CFDP1: variants seen among roughly 807,000 people sequenced by gnomAD.
The protein encoded by CFDP1 is heterochromatin-stabilizing protein CFDP1.
CFDP1 carries 31 observed loss-of-function variants against 40.1 expected under a neutral mutation model. The ratio of observed to expected loss-of-function variants is 0.77; its 90% CI spans 0.58 to 1.04. The LOEUF is 1.04. CFDP1 is among the 50% of genes least tolerant of loss of function. The probability of loss-of-function intolerance (pLI) is 0.00; values close to 1 mark genes in which losing one functional copy is unlikely to be tolerated. For missense variants in CFDP1, 423 were observed against 343.4 expected (o/e 1.23, Z -1.83); for synonymous variants, 167 against 120.0 (o/e 1.39, Z -2.56).
At chr16:75,416,915 T>A (rs1027214320) in intron 1 of CFDP1, among the ~76,000 whole-genome samples, 1 of 152,152 alleles carries the variant, frequency 6.6e-6, no homozygotes, top group Non-Finnish European at 1.5e-5. Context: ...CAGTGTTTCA[T>A]GAAGAGAGCA....
chr16:75,298,272 T>TC (rs2078197946), intron 6 of CFDP1, among the ~76,000 whole-genome samples: 1 of 152,158 alleles, frequency 6.6e-6, no homozygotes, highest in Non-Finnish European at 1.5e-5. Context: ...ATAAGGGATA[T>TC]TCAACCTGTA....
chr16:75,294,110 TC>T, intron 6 of CFDP1, 68 bp from the exon 7 acceptor site: 2 of 1,179,732 alleles, frequency 1.7e-6, no homozygotes, highest in Non-Finnish European at 1.3e-6. Flanking sequence ...CACAGTCCCA[TC>T]CCCCAGGGAT....
chr16:75,371,956 G>A (rs1437317009), intron 5 of CFDP1, among the ~76,000 whole-genome samples: 1 of 152,102 alleles, frequency 6.6e-6, no homozygotes, highest in East Asian at 1.9e-4. Flanking sequence ...AATTTTCATT[G>A]AGTCCTTCTG....
chr16:75,431,072 G>C (rs1007394202), intron 1 of CFDP1, among the ~76,000 whole-genome samples: 3 of 152,018 alleles, frequency 2.0e-5, no homozygotes, highest in African/African-American at 7.3e-5. Flanking sequence ...ATTAGCACCA[G>C]AGAAAACAAG....
intron 5 of CFDP1, among the ~76,000 whole-genome samples, chr16:75,359,494 T>C (rs2078668142): frequency 1.3e-5 from 2 of 152,236 alleles, no homozygotes; most frequent in Admixed American, 6.5e-5. Flanking sequence ...TCAATGATGC[T>C]GTTTTCCCCT....
In CFDP1 at chr16:75,293,861, G is replaced by A; in HGVS notation, c.*91C>T. 2.5e-5 allele frequency: 26 copies of A among 1,026,658 alleles called. No individual in the cohort carries two copies. Among genetic ancestry groups the A allele is most frequent in the Non-Finnish European group, 3.8e-5 (26 of 681,034 alleles). The allele number at this position is 1,026,658 out of a possible 1,614,324, so 63.6% of individuals were successfully genotyped here. On this transcript the variant is annotated 3_prime_UTR_variant, in exon 7 of 7. Coordinates refer to ENST00000283882, the MANE Select transcript of CFDP1 (RefSeq NM_006324.3). ...AAAAAAAAGACCTTGCTGGGAAACA[G>A]ATGATGAGAAACACTGTAAAACATT...
chr16:75,432,596 C>A (rs1251846281), intron 1 of CFDP1, among the ~76,000 whole-genome samples: 37 of 152,130 alleles, frequency 2.4e-4, no homozygotes, highest in Non-Finnish European at 7.4e-5. Context: ...ATAGGGACGA[C>A]TCCTGGGTTG....
At chr16:75,344,169 A>C (rs1359701585) in intron 5 of CFDP1, among the ~76,000 whole-genome samples, 1 of 152,238 alleles carries the variant, frequency 6.6e-6, no homozygotes, top group Non-Finnish European at 1.5e-5. Flanking sequence ...GTAGTGCATA[A>C]ATTCTGAAGC....
intron 4 of CFDP1, among the ~76,000 whole-genome samples, chr16:75,395,922 TAAAG>T (rs1392277892): frequency 6.9e-6 from 1 of 145,352 alleles, no homozygotes; most frequent in African/African-American, 2.5e-5. Flanking sequence ...AGAATTCAGA[TAAAG>T]AGAGAAGGAG....
chr16:75,315,947 A>G (rs1450769901), intron 5 of CFDP1, among the ~76,000 whole-genome samples: 1 of 152,132 alleles, frequency 6.6e-6, no homozygotes, highest in African/African-American at 2.4e-5. Context: ...GTCTCCTTTA[A>G]TCTTGTAATC....
At chr16:75,313,683 G>C (rs1290391361) in intron 5 of CFDP1, among the ~76,000 whole-genome samples, 11 of 152,222 alleles carry the variant, frequency 7.2e-5, no homozygotes, top group Admixed American at 7.2e-4. Flanking sequence ...TCTTGCTTCT[G>C]AGGGATGTTA....
intron 5 of CFDP1, among the ~76,000 whole-genome samples, chr16:75,351,433 G>C (rs1001847596): frequency 2.0e-5 from 3 of 152,148 alleles, no homozygotes; most frequent in Non-Finnish European, 4.4e-5. Context: ...GGAATGTTTT[G>C]TTATGCCATA....
chr16:75,388,266 T>A (rs2078917039), intron 5 of CFDP1, among the ~76,000 whole-genome samples: 1 of 152,252 alleles, frequency 6.6e-6, no homozygotes, highest in South Asian at 2.1e-4. Flanking sequence ...ACATTTAGCA[T>A]TGTGCCTTAA....
intron 5 of CFDP1, among the ~76,000 whole-genome samples, chr16:75,334,136 C>T (rs960763030): frequency 7.2e-5 from 11 of 152,030 alleles, no homozygotes; most frequent in Non-Finnish European, 1.3e-4. Context: ...TCTTCAAGGG[C>T]CAATCATTGC....
chr16:75,335,481 A>C (rs1477085175), intron 5 of CFDP1, among the ~76,000 whole-genome samples: 1 of 151,754 alleles, frequency 6.6e-6, no homozygotes, highest in Non-Finnish European at 1.5e-5. Context: ...ATATACAATC[A>C]TTAACAGTTC....
intron 5 of CFDP1, among the ~76,000 whole-genome samples, chr16:75,393,786 C>A (rs1416490484): frequency 7.1e-6 from 1 of 140,328 alleles, no homozygotes; most frequent in Non-Finnish European, 1.5e-5. Context: ...GGGGCCGGGC[C>A]CGGTGGCTCA....
At chr16:75,317,828 T>C (rs1041101137) in intron 5 of CFDP1, among the ~76,000 whole-genome samples, 1 of 152,010 alleles carries the variant, frequency 6.6e-6, no homozygotes, top group East Asian at 1.9e-4. Flanking sequence ...GTCAATGACC[T>C]GGCCAGGTGT....
chr16:75,382,520 C>G (rs1224373729), intron 5 of CFDP1, among the ~76,000 whole-genome samples: 3 of 152,182 alleles, frequency 2.0e-5, no homozygotes, highest in African/African-American at 7.2e-5. Flanking sequence ...GGTTTCACCA[C>G]CTCAAGACAG....
intron 5 of CFDP1, among the ~76,000 whole-genome samples, chr16:75,341,891 A>T (rs1272211156): frequency 6.6e-6 from 1 of 152,114 alleles, no homozygotes; most frequent in Non-Finnish European, 1.5e-5. Flanking sequence ...CAATCAAAAG[A>T]CCTAGGTCTT....
Sources: allele counts gnomAD v4.1 joint callset (sites outside exome capture counted in the v4.1 genomes callset), GRCh38; gene constraint gnomAD v4.1.1; transcripts MANE v1.5; gene names NCBI Gene and HGNC (gene_info 2026-07-23, HGNC 2026-07-21).